Variants in NADK2 observed in about 807,000 individuals in gnomAD.
The protein encoded by NADK2 is NAD kinase 2, mitochondrial, also known as NAD kinase domain-containing protein 1, mitochondrial.
Under a neutral mutation model 62.1 loss-of-function variants are expected in NADK2, and 35 were observed. The observed-to-expected ratio is 0.56, with a 90% CI of 0.43 to 0.75. NADK2 has a LOEUF of 0.75. Ranked by LOEUF, NADK2 falls within the 30% of genes least tolerant of loss-of-function variation. The pLI is 0.00. For missense variants in NADK2, 439 were observed against 561.3 expected (o/e 0.78, Z 2.20); for synonymous variants, 205 against 207.9 (o/e 0.99, Z 0.12).
rs753344612 is a variant in NADK2, at chr5:36,225,639, C to A, written c.479-16G>T. 1.9e-6 allele frequency: 3 copies of A among 1,604,688 alleles called. No homozygotes were observed. Among genetic ancestry groups the A allele is most frequent in the East Asian group, 2.2e-5 (1 of 44,820 alleles). ...GTGCCATCACCTAAGGAACATAAGA[C>A]AAAATACAAGACATAACCAAATTTC... On this transcript the variant is annotated splice_polypyrimidine_tract_variant and intron_variant, in intron 3 of 11. Coordinates refer to ENST00000381937, the MANE Select transcript of NADK2 (RefSeq NM_001085411.3).
In NADK2 at chr5:36,241,819, CG is replaced by C; in HGVS notation, c.-22del. Reference sequence around the variant, plus strand: ...GTCATCGTGGGCCGGGCCGCGGCCGCGGGCTTGGGCTCGGGCCCCTTGCCTC... The same window carrying C: ...GTCATCGTGGGCCGGGCCGCGGCCGCGGCTTGGGCTCGGGCCCCTTGCCTC... On this transcript the variant is annotated 5_prime_UTR_variant, in exon 1 of 12. Coordinates refer to ENST00000381937, the MANE Select transcript of NADK2 (RefSeq NM_001085411.3). The surrounding 1 kb of genome is among the most constrained non-coding windows in gnomAD (Gnocchi z 4.9). 7.7e-7 allele frequency: 1 copy of C among 1,299,440 alleles called. No homozygotes were observed. Among genetic ancestry groups the C allele is most frequent in the Non-Finnish European group, 9.7e-7 (1 of 1,025,872 alleles). 80.5% of individuals were successfully genotyped at this position (1,299,440 alleles called of 1,614,324 possible). A position where few individuals can be genotyped will look rare whatever the true frequency, so the allele number is the denominator to read the frequency against.
chr5:36,241,576 C>A lies in NADK2; in HGVS notation c.223G>T (p.Ala75Ser). The change falls in exon 1 of 12, where the codon GCC (alanine) becomes TCC (serine). Residue 75 changes from alanine (A) to serine (S), a missense_variant. Coordinates refer to ENST00000381937, the MANE Select transcript of NADK2 (RefSeq NM_001085411.3). The surrounding 1 kb of genome is among the most constrained non-coding windows in gnomAD (Gnocchi z 4.9). The part of the protein sequence containing the change: ...GFRPSRVVVV[A>S]KTTRYEFEQQ... ...TCGAACTCGTACCGGGTGGTTTTGG[C>A]CACCACCACCACCCGGGAGGGGCGG... The A allele has an allele frequency of 6.5e-7, 1 of 1,534,342 alleles. No individual in the cohort carries two copies. The highest frequency in any genetic ancestry group is 8.7e-7 in the Non-Finnish European group (1 of 1,149,890).
At position 36,195,074 on chromosome 5, in the gene NADK2, A is replaced by G; in HGVS notation, c.*70T>C. On this transcript the variant is annotated 3_prime_UTR_variant, in exon 12 of 12. Coordinates refer to ENST00000381937, the MANE Select transcript of NADK2 (RefSeq NM_001085411.3). ...AACAATAACCAAAAAATGTCACTTT[A>G]CGACTGGTAGTCTGTTTCTGAAGTA... 2 of 1,524,744 alleles carry G rather than the reference A, an allele frequency of 1.3e-6. No individual in the cohort carries two copies. The highest frequency in any genetic ancestry group is 1.8e-6 in the Non-Finnish European group (2 of 1,134,012). The allele number at this position is 1,524,744 out of a possible 1,614,324, so 94.5% of individuals were successfully genotyped here. A position where few individuals can be genotyped will look rare whatever the true frequency, so the allele number is the denominator to read the frequency against.
intron 1 of NADK2, among the ~76,000 whole-genome samples, chr5:36,231,294 T>A (rs1316220545): frequency 2.0e-5 from 3 of 152,218 alleles, no homozygotes; most frequent in Non-Finnish European, 4.4e-5. Context: ...CTATGATTGC[T>A]AACAATAATA....
chr5:36,198,418 C>T (rs1235474401), intron 10 of NADK2, among the ~76,000 whole-genome samples: 1 of 151,682 alleles, frequency 6.6e-6, no homozygotes, highest in Non-Finnish European at 1.5e-5. Flanking sequence ...AAAAAGCATG[C>T]TAGCTCTGAA....
intron 3 of NADK2, 50 bp downstream of exon 3, chr5:36,226,425 G>A (rs372025279): frequency 5.0e-5 from 69 of 1,383,644 alleles, no homozygotes; most frequent in Middle Eastern, 3.6e-4. Flanking sequence ...GAAATAATGT[G>A]TATTAAACAT....
Position 36,195,288 on chromosome 5 carries a change from C to T in NADK2, c.1191-6G>A. The T allele has an allele frequency of 1.2e-6, 2 of 1,601,312 alleles. No homozygotes were observed. Among genetic ancestry groups the T allele is most frequent in the Non-Finnish European group, 1.7e-6 (2 of 1,175,888 alleles). On this transcript the variant is annotated splice_polypyrimidine_tract_variant and splice_region_variant and intron_variant, in intron 11 of 11. Coordinates refer to ENST00000381937, the MANE Select transcript of NADK2 (RefSeq NM_001085411.3). Reference sequence around the variant, plus strand: ...AACGAGAACGAACACAAACCCTAGGCAGAAGGAAATATCTCATTAAATAGT... The same window carrying T: ...AACGAGAACGAACACAAACCCTAGGTAGAAGGAAATATCTCATTAAATAGT...
chr5:36,234,099 G>T (rs2112193686), intron 1 of NADK2, among the ~76,000 whole-genome samples: 1 of 152,144 alleles, frequency 6.6e-6, no homozygotes, highest in East Asian at 1.9e-4. Context: ...AATGGGCCAG[G>T]CGCGGTGGCT....
At chr5:36,222,066 C>T (rs1159681991) in intron 4 of NADK2, among the ~76,000 whole-genome samples, 1 of 151,960 alleles carries the variant, frequency 6.6e-6, no homozygotes, top group African/African-American at 2.4e-5. Context: ...ATACAAGGTC[C>T]TATACTCAAG....
chr5:36,240,691 T>C (rs1748074796), intron 1 of NADK2, among the ~76,000 whole-genome samples: 1 of 152,182 alleles, frequency 6.6e-6, no homozygotes, highest in Non-Finnish European at 1.5e-5. Flanking sequence ...TTCCCTTGGA[T>C]TTGTATCTTT....
upstream of NADK2, chr5:36,241,960 T>C (rs1485867889): frequency 2.8e-5 from 13 of 468,496 alleles, no homozygotes; most frequent in Non-Finnish European, 3.3e-5. This position sits in a 1 kb window ranked among gnomAD's most constrained non-coding sequence, Gnocchi z 4.9. Flanking sequence ...TAGGGGGACG[T>C]ACCCAGGCGT....
At chr5:36,229,561 C>T (rs191113121) in intron 1 of NADK2, among the ~76,000 whole-genome samples, 21 of 151,888 alleles carry the variant, frequency 1.4e-4, no homozygotes, top group South Asian at 4.2e-4. Flanking sequence ...TTGACTAAAA[C>T]GGCACTAACC....
chr5:36,233,033 G>A (rs554076089), intron 1 of NADK2, among the ~76,000 whole-genome samples: 8 of 152,206 alleles, frequency 5.3e-5, no homozygotes, highest in African/African-American at 1.2e-4. Flanking sequence ...TAATAAATCC[G>A]TGTCACCTTT....
chr5:36,236,884 A>AAC (rs1561078289), intron 1 of NADK2, among the ~76,000 whole-genome samples: 1 of 151,512 alleles, frequency 6.6e-6, no homozygotes, highest in Non-Finnish European at 1.5e-5. Context: ...AAAAAAAAAA[A>AAC]AAACAGGAAT....
chr5:36,206,144 G>A (rs930681644), intron 8 of NADK2, among the ~76,000 whole-genome samples: 1 of 151,952 alleles, frequency 6.6e-6, no homozygotes, highest in African/African-American at 2.4e-5. Context: ...GGCCTTTTGT[G>A]GGGTGGGAGA....
intron 1 of NADK2, among the ~76,000 whole-genome samples, chr5:36,228,267 A>G (rs535608278): frequency 5.3e-4 from 81 of 152,302 alleles, no homozygotes; most frequent in African/African-American, 1.8e-3. Flanking sequence ...ATAATCCATA[A>G]AGTAAAATGT....
chr5:36,209,389 T>C (rs1303155547), intron 7 of NADK2, among the ~76,000 whole-genome samples: 3 of 152,154 alleles, frequency 2.0e-5, no homozygotes, highest in Non-Finnish European at 4.4e-5. Context: ...TACAAAATTA[T>C]AAAGCAAAGC....
chr5:36,203,799 C>T (rs561828055), intron 8 of NADK2, among the ~76,000 whole-genome samples: 2 of 152,186 alleles, frequency 1.3e-5, no homozygotes, highest in South Asian at 4.1e-4. Context: ...AGCCCCATTG[C>T]CTCTAGCAGA....
chr5:36,204,827 A>G (rs1746574709), intron 8 of NADK2, among the ~76,000 whole-genome samples: 1 of 152,030 alleles, frequency 6.6e-6, no homozygotes, highest in Non-Finnish European at 1.5e-5. Flanking sequence ...AAAAGTAGAT[A>G]GGGGTACAGA....
Sources: gnomAD v4.1 joint callset for allele counts (sites outside exome capture counted in the v4.1 genomes callset) on GRCh38, gnomAD v4.1.1 for gene constraint, Gnocchi (gnomAD v3.1) non-coding constraint, MANE v1.5 for transcripts, NCBI Gene and HGNC (gene_info 2026-07-23, HGNC 2026-07-21) for gene names.